Variants in NTM observed in about 807,000 individuals in gnomAD.
The protein encoded by NTM is IgLON family member 2.
Under a neutral mutation model 42.1 loss-of-function variants are expected in NTM, and 13 were observed. That is an observed-to-expected ratio of 0.31 (90% CI 0.20 to 0.49). The LOEUF is 0.49. Among genes scored for constraint, NTM ranks in the 20% least tolerant of loss-of-function variants. NTM has a pLI of 0.99. For missense variants in NTM, 373 were observed against 452.8 expected (o/e 0.82, Z 1.60); for synonymous variants, 187 against 179.2 (o/e 1.04, Z -0.35).
intron 7 of NTM, among the ~76,000 whole-genome samples, chr11:132,326,674 C>T (rs527644322): frequency 2.5e-4 from 38 of 152,272 alleles, no homozygotes; most frequent in African/African-American, 7.7e-4. Context: ...ATATCTAAAA[C>T]GTTATGACAG....
chr11:131,702,082 G>A (rs1042625988), intron 1 of NTM, among the ~76,000 whole-genome samples: 16 of 151,992 alleles, frequency 1.1e-4, no homozygotes, highest in African/African-American at 2.9e-4. Flanking sequence ...AGCCCAAACC[G>A]CCCTCAGACA....
At chr11:131,699,252 G>A (rs916288497) in intron 1 of NTM, among the ~76,000 whole-genome samples, 6 of 152,156 alleles carry the variant, frequency 3.9e-5, no homozygotes, top group African/African-American at 1.2e-4. Flanking sequence ...AATTAGAAAC[G>A]TACTTTCCAG....
chr11:131,475,872 G>A (rs1192487118), intron 1 of NTM, among the ~76,000 whole-genome samples: 1 of 152,050 alleles, frequency 6.6e-6, no homozygotes, highest in Non-Finnish European at 1.5e-5. Context: ...AGATTGGGAA[G>A]AGAAAAAAAG....
intron 1 of NTM, among the ~76,000 whole-genome samples, chr11:131,619,576 G>C (rs1046091623): frequency 2.0e-5 from 3 of 152,284 alleles, no homozygotes; most frequent in African/African-American, 4.8e-5. Flanking sequence ...AGACTAAAAT[G>C]GTGGGGCATT....
intron 2 of NTM, among the ~76,000 whole-genome samples, chr11:131,926,813 A>C (rs2058019229): frequency 6.6e-6 from 1 of 152,228 alleles, no homozygotes. Context: ...ACACACATCC[A>C]GCCGCGAGGA....
intron 1 of NTM, among the ~76,000 whole-genome samples, chr11:131,549,453 T>C (rs2054361082): frequency 6.6e-6 from 1 of 151,960 alleles, no homozygotes; most frequent in African/African-American, 2.4e-5. Flanking sequence ...AGAGAAAGAG[T>C]CAAAGGGTTG....
rs549434652 is a variant in NTM at position 131,937,773 on chromosome 11, C to G, written c.167+26125C>G. 5.9e-5 allele frequency among the ~76,000 whole-genome samples: 9 copies of G among 152,244 alleles called. No individual in the cohort carries two copies. The South Asian group carries it at 1.5e-3, about 25-fold the overall frequency. Reference sequence around the variant, plus strand: ...TTTACATAGTTTTCCATTTAGAAAGCTGGCCCCATGTTAGAATTATAATAA... The same window carrying G: ...TTTACATAGTTTTCCATTTAGAAAGGTGGCCCCATGTTAGAATTATAATAA... On this transcript the variant is annotated intron_variant, in intron 2 of 8. Coordinates refer to ENST00000683400, the MANE Select transcript of NTM (RefSeq NM_001352005.2).
chr11:132,073,773 T>TA (rs2058010301), intron 2 of NTM, among the ~76,000 whole-genome samples: 1 of 152,236 alleles, frequency 6.6e-6, no homozygotes, highest in Non-Finnish European at 1.5e-5. Context: ...CCACTCCTTC[T>TA]AGAAATAGCT....
At chr11:131,840,187 T>C (rs537173053) in intron 1 of NTM, among the ~76,000 whole-genome samples, 25 of 152,300 alleles carry the variant, frequency 1.6e-4, no homozygotes, top group African/African-American at 6.0e-4. Context: ...CGGATGCTAT[T>C]TAAAGCCACG....
At chr11:132,140,066 C>T (rs115055849) in intron 2 of NTM, among the ~76,000 whole-genome samples, 53 of 152,308 alleles carry the variant, frequency 3.5e-4, no homozygotes, top group African/African-American at 1.1e-3. Context: ...TCCATTTAAT[C>T]TTCTCATTAA....
intron 1 of NTM, among the ~76,000 whole-genome samples, chr11:131,635,221 A>T (rs2064205945): frequency 6.6e-6 from 1 of 152,230 alleles, no homozygotes. Context: ...ACACCTTCTC[A>T]AGAAGAGCCT....
chr11:131,672,021 C>T (rs566872441), intron 1 of NTM, among the ~76,000 whole-genome samples: 5 of 152,338 alleles, frequency 3.3e-5, no homozygotes, highest in East Asian at 1.9e-4. Flanking sequence ...GGGCCCGCAG[C>T]GTGCCCTCGC....
At chr11:131,489,194 C>T (rs1954505466) in intron 1 of NTM, among the ~76,000 whole-genome samples, 1 of 152,120 alleles carries the variant, frequency 6.6e-6, no homozygotes, top group South Asian at 2.1e-4. Flanking sequence ...ACCTTCTGGC[C>T]TCTTTGCTAT....
At chr11:131,792,866 A>T (rs1356439122) in intron 1 of NTM, among the ~76,000 whole-genome samples, 1 of 152,230 alleles carries the variant, frequency 6.6e-6, no homozygotes, top group Non-Finnish European at 1.5e-5. Context: ...ATTTCTTTAG[A>T]ATATAAATAC....
chr11:132,155,608 C>G (rs1392869582), intron 3 of NTM, among the ~76,000 whole-genome samples: 1 of 152,228 alleles, frequency 6.6e-6, no homozygotes, highest in East Asian at 1.9e-4. Flanking sequence ...CCACCATCTC[C>G]TGTGTTCTCA....
At chr11:131,372,243 T>A (rs149455647) in intron 1 of NTM, among the ~76,000 whole-genome samples, 3,010 of 151,250 alleles carry the variant, frequency 0.02, 346 homozygotes, top group Admixed American at 0.18. Flanking sequence ...ACAGGAGGGA[T>A]CTGTGTCGGG....
chr11:131,576,507 G>T (rs1029858495), intron 1 of NTM, among the ~76,000 whole-genome samples: 8 of 151,988 alleles, frequency 5.3e-5, no homozygotes, highest in Admixed American at 3.9e-4. Flanking sequence ...CTGTCTTTCC[G>T]CTTCTTCCTT....
intron 1 of NTM, among the ~76,000 whole-genome samples, chr11:131,871,093 T>A (rs1368941797): frequency 1.3e-5 from 2 of 152,208 alleles, no homozygotes; most frequent in Non-Finnish European, 2.9e-5. Context: ...GAGTTTATTA[T>A]CTGTTGCTGC....
At chr11:131,861,909 C>T (rs996784868) in intron 1 of NTM, among the ~76,000 whole-genome samples, 20 of 152,108 alleles carry the variant, frequency 1.3e-4, no homozygotes, top group African/African-American at 4.8e-4. Context: ...CCCAAATGCA[C>T]GTGGGTCTGG....
Sources: gnomAD v4.1 joint callset for allele counts (sites outside exome capture counted in the v4.1 genomes callset) on GRCh38, gnomAD v4.1.1 for gene constraint, MANE v1.5 for transcripts, NCBI Gene and HGNC (gene_info 2026-07-23, HGNC 2026-07-21) for gene names.